Variants in SYNE1 observed in about 807,000 individuals in gnomAD.
SYNE1 encodes spectrin repeat containing nuclear envelope protein 1.
A neutral mutation model predicts 1,111.0 loss-of-function variants in SYNE1; 616 were observed. The observed-to-expected ratio is 0.55, with a 90% CI of 0.52 to 0.59. SYNE1 has a LOEUF of 0.59. Ranked by LOEUF, SYNE1 falls within the 20% of genes least tolerant of loss-of-function variation. The pLI, the probability that SYNE1 is intolerant of heterozygous loss-of-function variation, is 0.00. For missense variants in SYNE1, 10,006 were observed against 10,417.0 expected (o/e 0.96, Z 1.72); for synonymous variants, 3,855 against 3,825.8 (o/e 1.01, Z -0.28).
At chr6:152,481,682 T>C (rs1564355768) in intron 14 of SYNE1, 1 of 363,142 alleles carries the variant, frequency 2.8e-6, no homozygotes, top group Non-Finnish European at 5.4e-6. Context: ...ATTGTTTGTG[T>C]AATACTATTT....
At chr6:152,415,621 A>G (rs1199419343) in intron 41 of SYNE1, among the ~76,000 whole-genome samples, 1 of 152,134 alleles carries the variant, frequency 6.6e-6, no homozygotes, top group Non-Finnish European at 1.5e-5. Context: ...TTCTGCCTTC[A>G]TTCTTGTTAT....
chr6:152,395,446 A>G (rs2154140787), intron 51 of SYNE1, 70 bp downstream of exon 51: 2 of 1,529,340 alleles, frequency 1.3e-6, no homozygotes, highest in African/African-American at 1.4e-5. Flanking sequence ...TCAAAACCAA[A>G]CCAACCAACC....
intron 13 of SYNE1, 62 bp downstream of exon 13, chr6:152,484,773 G>A: frequency 1.9e-6 from 3 of 1,566,394 alleles, no homozygotes; most frequent in Non-Finnish European, 2.6e-6. Flanking sequence ...AGAAATAGAT[G>A]ATGAAAAATA....
intron 130 of SYNE1, 109 bp downstream of exon 130, chr6:152,176,285 A>C: frequency 4.7e-6 from 7 of 1,485,798 alleles, no homozygotes; most frequent in Non-Finnish European, 5.6e-6. Flanking sequence ...TGGTGAGATA[A>C]CCCAGGAAGA....
chr6:152,506,822 C>A (rs2099060713), intron 8 of SYNE1, among the ~76,000 whole-genome samples: 1 of 152,190 alleles, frequency 6.6e-6, no homozygotes, highest in Non-Finnish European at 1.5e-5. Flanking sequence ...AGTGATCCAC[C>A]TGCCTCGGCC....
intron 127 of SYNE1, among the ~76,000 whole-genome samples, chr6:152,194,947 G>A (rs1248939198): frequency 6.6e-6 from 1 of 151,780 alleles, no homozygotes; most frequent in Non-Finnish European, 1.5e-5. Flanking sequence ...TTGAGACAGA[G>A]TCTTGCTCTG....
In SYNE1 at chr6:152,221,733, G is replaced by T. The variant is rs9397493; in HGVS notation, c.21523-174C>A. On this transcript the variant is annotated intron_variant, in intron 117 of 145. Transcript: ENST00000367255. ...TTTAGATAATCATTTATTCTCTTTT[G>T]TAGGATTTTGTTATTTTGGCTATGA... Among the ~76,000 whole-genome samples, 74,388 of 152,036 alleles carry T rather than the reference G, an allele frequency of 0.49. 18,755 individuals are homozygous for T. Among genetic ancestry groups the T allele is most frequent in the East Asian group, 0.74 (3,852 of 5,178 alleles).
At chr6:152,146,959 C>G (rs1449476134) in intron 137 of SYNE1, 1 of 152,394 alleles carries the variant, frequency 6.6e-6, no homozygotes, top group African/African-American at 2.4e-5. Context: ...TACGACTGGA[C>G]TTTTGCATTT....
chr6:152,431,520 T>C (rs1217285319), intron 34 of SYNE1, among the ~76,000 whole-genome samples: 1 of 152,222 alleles, frequency 6.6e-6, no homozygotes, highest in Non-Finnish European at 1.5e-5. Context: ...CATGTGTTTA[T>C]GTGTGTCTGT....
At chr6:152,188,585 C>T (rs537393979) in intron 128 of SYNE1, among the ~76,000 whole-genome samples, 3 of 152,208 alleles carry the variant, frequency 2.0e-5, no homozygotes, top group South Asian at 2.1e-4. Flanking sequence ...GCAAATACAA[C>T]AGTAGTTTTT....
chr6:152,303,095 ATTCTT>A (rs2095254849), intron 91 of SYNE1, among the ~76,000 whole-genome samples: 1 of 114,400 alleles, frequency 8.7e-6, no homozygotes, highest in Non-Finnish European at 1.8e-5. Context: ...CAAAACTATT[ATTCTT>A]TTTTTTTTTT....
chr6:152,180,401 A>T (rs1332633406), intron 128 of SYNE1, 107 bp from the exon 129 acceptor site: 1 of 1,095,330 alleles, frequency 9.1e-7, no homozygotes, highest in Non-Finnish European at 1.4e-6. Flanking sequence ...ATAGTCATAC[A>T]TCTTTTTAGC....
intron 72 of SYNE1, 21 bp from the exon 73 acceptor site, chr6:152,347,256 C>G (rs2096653536): frequency 1.9e-6 from 3 of 1,613,766 alleles, no homozygotes; most frequent in Non-Finnish European, 2.5e-6. Context: ...GAAACCAATA[C>G]AGAGTTTTCA....
intron 127 of SYNE1, among the ~76,000 whole-genome samples, chr6:152,194,569 T>A (rs1402414239): frequency 6.6e-6 from 1 of 152,240 alleles, no homozygotes; most frequent in East Asian, 1.9e-4. Flanking sequence ...GCAAGTTCTC[T>A]GTTATCCCTT....
Position 152,350,693 on chromosome 6 carries a change from C to A in SYNE1, c.11658G>T (p.Leu3886=), listed in dbSNP as rs1212930747. Residue 3886 remains leucine (L), a synonymous_variant, in exon 71 of 146, where the codon CTG becomes CTT. Coordinates refer to ENST00000367255, the MANE Select transcript of SYNE1 (RefSeq NM_182961.4). ...VREKGEALLE[L]VQDVTLKDKI... ...TGTCCTTTAAAGTGACGTCCTGCAC[C>A]AGTTCCAAAAGAGCTTCACCCTTCT... 6.2e-7 allele frequency: 1 copy of A among 1,613,934 alleles called. No homozygotes were observed. The highest frequency in any genetic ancestry group is 8.5e-7 in the Non-Finnish European group (1 of 1,180,022).
intron 21 of SYNE1, among the ~76,000 whole-genome samples, chr6:152,461,335 TGTAACC>T (rs1431813400): frequency 2.0e-5 from 3 of 152,190 alleles, no homozygotes; most frequent in Admixed American, 1.3e-4. Flanking sequence ...TTTTATCACA[TGTAACC>T]GTTCCCCAAA....
At chr6:152,124,599 C>T (rs1362052154) in intron 145 of SYNE1, among the ~76,000 whole-genome samples, 2 of 152,118 alleles carry the variant, frequency 1.3e-5, no homozygotes, top group African/African-American at 4.8e-5. Flanking sequence ...TAAATAATCT[C>T]CCAAGAAGCC....
intron 3 of SYNE1, among the ~76,000 whole-genome samples, chr6:152,577,502 G>A (rs975803533): frequency 6.6e-6 from 1 of 151,976 alleles, no homozygotes; most frequent in African/African-American, 2.4e-5. Flanking sequence ...GCATGGTGGC[G>A]GGCGCCTGTA....
intron 131 of SYNE1, among the ~76,000 whole-genome samples, chr6:152,163,245 C>A (rs180724044): frequency 5.4e-4 from 82 of 152,220 alleles, no homozygotes; most frequent in Non-Finnish European, 1.1e-3. Context: ...CGCCTGTAAT[C>A]CCAGCACTTT....
Sources: gnomAD v4.1 joint callset for allele counts (sites outside exome capture counted in the v4.1 genomes callset) on GRCh38, gnomAD v4.1.1 for gene constraint, MANE v1.5 for transcripts, NCBI Gene and HGNC (gene_info 2026-07-23, HGNC 2026-07-21) for gene names.